CFAP54: variants seen among roughly 807,000 people sequenced by gnomAD.
CFAP54 encodes cilia and flagella associated protein 54.
A neutral mutation model predicts 370.4 loss-of-function variants in CFAP54; 290 were observed. That is an observed-to-expected ratio of 0.78 (90% confidence interval 0.71 to 0.86). CFAP54 has a LOEUF of 0.86. Ranked by LOEUF, CFAP54 falls within the 40% of genes least tolerant of loss-of-function variation. The probability of loss-of-function intolerance (pLI) is 0.00; values close to 1 mark genes in which losing one functional copy is unlikely to be tolerated. For synonymous variants in CFAP54, 1,206 were observed against 1,236.5 expected, an observed-to-expected ratio of 0.98 and a Z score of 0.52; for missense variants, 3,399 against 3,528.7, an observed-to-expected ratio of 0.96 and a Z score of 0.93.
chr12:96,663,153 T>C (rs922932012), intron 38 of CFAP54, among the ~76,000 whole-genome samples: 1 of 152,136 alleles, frequency 6.6e-6, no homozygotes, highest in Non-Finnish European at 1.5e-5. Flanking sequence ...GGGAAGAAAT[T>C]TGTATTTTAT....
At chr12:96,820,841 A>C (rs535596024) in intron 65 of CFAP54, among the ~76,000 whole-genome samples, 5 of 152,212 alleles carry the variant, frequency 3.3e-5, no homozygotes, top group Non-Finnish European at 7.3e-5. Context: ...ACCTACAATG[A>C]CAGTTTTTAA....
At chr12:96,645,169 C>T (rs1458605630) in intron 33 of CFAP54, 1 of 456,394 alleles carries the variant, frequency 2.2e-6, no homozygotes, top group Non-Finnish European at 4.4e-6. Context: ...CATTTTTAAG[C>T]ACTTACTGAG....
chr12:96,742,637 G>T, intron 52 of CFAP54, 51 bp downstream of exon 52: 1 of 1,483,126 alleles, frequency 6.7e-7, no homozygotes, highest in Non-Finnish European at 9.2e-7. Flanking sequence ...TTTTACATAG[G>T]TGAAGAGGGG....
intron 32 of CFAP54, among the ~76,000 whole-genome samples, chr12:96,632,828 A>G (rs960792728): frequency 6.6e-6 from 1 of 152,020 alleles, no homozygotes; most frequent in Non-Finnish European, 1.5e-5. Context: ...GTTTTTAAAA[A>G]TTATTTATTT....
In CFAP54 at chr12:96,625,753, A is replaced by G. The variant is rs1002946802; in HGVS notation, c.3922A>G (p.Ile1308Val). ...TSELSGGEDPIFLYPVVLNWS... is the reference protein window; with the variant it reads ...TSELSGGEDPVFLYPVVLNWS... ...TGAACTCTCAGGAGGAGAGGACCCT[A>G]TATTTCTTTATCCTGTAGTTTTGAA... The change falls in exon 29 of 68, where the codon ATA (isoleucine) becomes GTA (valine). Residue 1308 changes from isoleucine to valine, a missense_variant. By Grantham distance (29) the Ile-to-Val change is conservative. Around this residue, in one of 3 missense-constraint regions of CFAP54, gnomAD observed 2,796 missense variants for 2,869.7 expected, o/e 0.97. Transcript: ENST00000524981. 7.8e-6 allele frequency: 12 copies of G among 1,535,756 alleles called. No individual in the cohort carries two copies. The highest frequency in any genetic ancestry group is 2.4e-5 in the East Asian group (1 of 40,878).
chr12:96,786,651 A>G lies in CFAP54; in HGVS notation c.8456-24A>G, dbSNP rs753501843. The G allele has an allele frequency of 1.4e-5, 21 of 1,469,292 alleles. No homozygotes were observed. In the African/African-American group the frequency reaches 2.8e-4, roughly 20 times the overall value. 91.0% of individuals were successfully genotyped at this position (1,469,292 alleles called of 1,614,324 possible). On this transcript the variant is annotated intron_variant, in intron 61 of 67. Coordinates refer to ENST00000524981, the MANE Select transcript of CFAP54 (RefSeq NM_001306084.2). Reference sequence around the variant, plus strand: ...ATCCCGTTTTCTAATATGAACCTAAACTAAGGTATTTTTCTTTCTTAAGCA... The same window carrying G: ...ATCCCGTTTTCTAATATGAACCTAAGCTAAGGTATTTTTCTTTCTTAAGCA...
At chr12:96,815,141 T>C (rs900068834) in intron 64 of CFAP54, among the ~76,000 whole-genome samples, 6 of 152,272 alleles carry the variant, frequency 3.9e-5, no homozygotes, top group African/African-American at 1.2e-4. Flanking sequence ...CTGTCTTCCA[T>C]AATGGTTGAA....
At position 96,495,455 on chromosome 12, in the gene CFAP54, T is replaced by C. The variant is rs1026274177; in HGVS notation, c.318-5379T>C. ...CTCAGCCTCGTTGGTAGCTGGACTA[T>C]AGGTGCATGTCACCACGCCCGGCTA... On this transcript the variant is annotated intron_variant, in intron 1 of 67. Coordinates refer to ENST00000524981, the MANE Select transcript of CFAP54 (RefSeq NM_001306084.2). Among the ~76,000 whole-genome samples, 7 of 151,128 alleles carry C rather than the reference T, an allele frequency of 4.6e-5. No homozygotes were observed. In the East Asian group the frequency reaches 1.2e-3, roughly 25 times the overall value.
At position 96,786,690 on chromosome 12, in the gene CFAP54, T is replaced by C. The variant is rs955266037; in HGVS notation, c.8471T>C (p.Val2824Ala). The change falls in exon 62 of 68, where the codon GTA (valine) becomes GCA (alanine). Residue 2824 changes from valine to alanine, a missense_variant. By Grantham distance (64) the Val-to-Ala change is moderately conservative. This residue lies in a region of CFAP54 where 2,796 missense variants were observed against 2,869.7 expected (regional missense o/e 0.97). Transcript: ENST00000524981. ...LSKLLASATP[V>A]SGISLPDDTL... ...CTTTCTTAAGCATCTGCAACACCAGTATCTGGAATTTCTTTGCCAGATGAT... is the reference window on the plus strand; with the variant it reads ...CTTTCTTAAGCATCTGCAACACCAGCATCTGGAATTTCTTTGCCAGATGAT... 2.0e-6 allele frequency: 3 copies of C among 1,532,004 alleles called. No individual in the cohort carries two copies. In the African/African-American group the frequency reaches 4.1e-5, roughly 21 times the overall value. 94.9% of individuals were successfully genotyped at this position (1,532,004 alleles called of 1,614,324 possible). A position where few individuals can be genotyped will look rare whatever the true frequency, so the allele number is the denominator to read the frequency against.
intron 15 of CFAP54, among the ~76,000 whole-genome samples, chr12:96,552,711 A>G (rs561537581): frequency 6.4e-4 from 97 of 152,284 alleles, no homozygotes; most frequent in African/African-American, 2.1e-3. Context: ...CCTCCAAGTA[A>G]CACCATTTCA....
At chr12:96,509,597 C>T (rs1955142863) in intron 4 of CFAP54, among the ~76,000 whole-genome samples, 1 of 152,078 alleles carries the variant, frequency 6.6e-6, no homozygotes, top group East Asian at 1.9e-4. Flanking sequence ...AAGCAGATCA[C>T]CTGAGGTCAG....
At chr12:96,526,400 A>T (rs974605563) in intron 8 of CFAP54, among the ~76,000 whole-genome samples, 44 of 152,226 alleles carry the variant, frequency 2.9e-4, no homozygotes, top group Non-Finnish European at 8.8e-5. Flanking sequence ...TCTTTCTTAG[A>T]GTTAATTACC....
chr12:96,724,008 T>G (rs1957795915), intron 50 of CFAP54, among the ~76,000 whole-genome samples: 2 of 152,184 alleles, frequency 1.3e-5, no homozygotes, highest in South Asian at 2.1e-4. Flanking sequence ...GGACATGATC[T>G]CATCATGTTT....
chr12:96,501,049 A>C, intron 2 of CFAP54, 110 bp downstream of exon 2: 1 of 599,456 alleles, frequency 1.7e-6, no homozygotes, highest in Non-Finnish European at 2.6e-6. Context: ...TTTCTCTTAG[A>C]AAAAAATAAA....
chr12:96,751,598 T>C (rs1958183489), intron 55 of CFAP54, among the ~76,000 whole-genome samples: 1 of 152,102 alleles, frequency 6.6e-6, no homozygotes, highest in South Asian at 2.1e-4. Context: ...AAACAATAAG[T>C]GAAATATACA....
chr12:96,713,842 G>C (rs1262751729), intron 48 of CFAP54, among the ~76,000 whole-genome samples: 2 of 152,196 alleles, frequency 1.3e-5, no homozygotes, highest in African/African-American at 2.4e-5. Flanking sequence ...GAGACCCTGA[G>C]ATGGGCGTGT....
At chr12:96,616,717 T>C (rs1956423335) in intron 26 of CFAP54, among the ~76,000 whole-genome samples, 1 of 152,206 alleles carries the variant, frequency 6.6e-6, no homozygotes, top group Admixed American at 6.5e-5. Flanking sequence ...ATCAAATTTA[T>C]CTTTTATCAT....
chr12:96,821,196 C>T (rs540011417), intron 65 of CFAP54, among the ~76,000 whole-genome samples: 14 of 152,040 alleles, frequency 9.2e-5, no homozygotes, highest in Non-Finnish European at 1.9e-4. Context: ...ACCAAAACAT[C>T]CTTGGTGGGC....
intron 67 of CFAP54, among the ~76,000 whole-genome samples, chr12:96,870,559 T>C (rs1728954965): frequency 6.6e-6 from 1 of 152,228 alleles, no homozygotes; most frequent in South Asian, 2.1e-4. Context: ...GTCCAACACA[T>C]ACTGGATGCT....
Sources: allele counts gnomAD v4.1 joint callset (sites outside exome capture counted in the v4.1 genomes callset), GRCh38; gene constraint gnomAD v4.1.1; regional missense constraint gnomAD v4.1.1; transcripts MANE v1.5; gene names NCBI Gene and HGNC (gene_info 2026-07-23, HGNC 2026-07-21).